The following WDFY4 variants were observed in gnomAD, a reference collection of about 807,000 sequenced individuals.
The protein encoded by WDFY4 is WD repeat- and FYVE domain-containing protein 4.
Under a neutral mutation model 351.9 loss-of-function variants are expected in WDFY4, and 169 were observed. The ratio of observed to expected loss-of-function variants is 0.48; its 90% CI spans 0.42 to 0.55. The LOEUF is 0.55. Ranked by LOEUF, WDFY4 falls within the 20% of genes least tolerant of loss-of-function variation. The pLI is 0.00. For synonymous variants in WDFY4, 1,622 were observed against 1,574.6 expected, an observed-to-expected ratio of 1.03 and a Z score of -0.71; for missense variants, 3,803 against 3,935.6, an observed-to-expected ratio of 0.97 and a Z score of 0.90.
chr10:48,802,729 T>C (rs781142821), intron 24 of WDFY4: 2 of 471,206 alleles, frequency 4.2e-6, no homozygotes, highest in African/African-American at 2.0e-5. Context: ...TACAATTTTG[T>C]CATGCATGAG....
In WDFY4 at chr10:48,805,158, G is replaced by T. The variant is rs781424411; in HGVS notation, c.4485-102G>T. 1.1e-5 allele frequency: 14 copies of T among 1,321,014 alleles called. No homozygotes were observed. In the East Asian group the frequency reaches 3.5e-4, roughly 33 times the overall value. 81.8% of individuals were successfully genotyped at this position (1,321,014 alleles called of 1,614,324 possible). A position where few individuals can be genotyped will look rare whatever the true frequency, so the allele number is the denominator to read the frequency against. ...GCCAAGAGAGCATTGGAGTTAAGGGGCCATGGAACAAGCCTGGCTTGAAAA... is the reference window on the plus strand; with the variant it reads ...GCCAAGAGAGCATTGGAGTTAAGGGTCCATGGAACAAGCCTGGCTTGAAAA... On this transcript the variant is annotated intron_variant, in intron 25 of 61. Transcript: ENST00000325239.
intron 47 of WDFY4, chr10:48,914,012 G>A (rs1474190649): frequency 6.2e-7 from 1 of 1,614,190 alleles, no homozygotes; most frequent in South Asian, 1.1e-5. Flanking sequence ...TGTCACTAAG[G>A]CGCAGAATAC....
chr10:48,728,333 C>T (rs2064337778), intron 7 of WDFY4, among the ~76,000 whole-genome samples: 1 of 152,240 alleles, frequency 6.6e-6, no homozygotes, highest in Admixed American at 6.5e-5. Context: ...TCCACTCTGC[C>T]TTCCTGTATC....
intron 2 of WDFY4, among the ~76,000 whole-genome samples, chr10:48,717,343 C>T (rs2063942011): frequency 6.6e-6 from 1 of 152,122 alleles, no homozygotes; most frequent in African/African-American, 2.4e-5. Flanking sequence ...TTCTAACCCG[C>T]TACTTTAAAA....
intron 39 of WDFY4, among the ~76,000 whole-genome samples, chr10:48,850,225 C>A (rs1250143008): frequency 1.3e-5 from 2 of 152,218 alleles, no homozygotes; most frequent in Non-Finnish European, 2.9e-5. Flanking sequence ...TAAGTCCATA[C>A]CACCCTCAAG....
chr10:48,933,379 C>A (rs1840151942), intron 47 of WDFY4, among the ~76,000 whole-genome samples: 1 of 152,222 alleles, frequency 6.6e-6, no homozygotes, highest in South Asian at 2.1e-4. Context: ...CGACTGGAGC[C>A]AGCATCTCTC....
In WDFY4 at chr10:48,978,372, G is replaced by C; in HGVS notation, c.9355G>C (p.Ala3119Pro). The C allele has an allele frequency of 1.9e-6, 3 of 1,551,216 alleles. No individual in the cohort carries two copies. The highest frequency in any genetic ancestry group is 1.7e-6 in the Non-Finnish European group (2 of 1,146,790). The change falls in exon 60 of 62, where the codon GCT (alanine) becomes CCT (proline). Residue 3119 changes from alanine (A) to proline (P), a missense_variant. Physicochemically the swap from Ala to Pro is conservative, Grantham distance 27 (BLOSUM62 -1). This residue lies in a region of WDFY4 where 3,054 missense variants were observed against 3,148.6 expected (regional missense o/e 0.97). Coordinates refer to ENST00000325239, the MANE Select transcript of WDFY4 (RefSeq NM_001394531.1). Reference sequence around the variant, plus strand: ...ACGGCCAGCAGGAGAGGAGCCCCCGGCTCAGCCTCCAAGCCCAAGAGGTAC... The same window carrying C: ...ACGGCCAGCAGGAGAGGAGCCCCCGCCTCAGCCTCCAAGCCCAAGAGGTAC... The part of the protein sequence containing the change: ...PGRPAGEEPP[A>P]QPPSPRGHKW...
Position 48,790,705 on chromosome 10 carries a change from ATG to A in WDFY4, c.4067-21_4067-20del. 12 of 1,547,782 alleles carry A rather than the reference ATG, an allele frequency of 7.8e-6. No individual in the cohort carries two copies. Among genetic ancestry groups the A allele is most frequent in the Non-Finnish European group, 1.0e-5 (12 of 1,144,346 alleles). ...AATGAAGCTGTGACATGTTGATGAAATGCCCACTTTATGCCACACAGGGGTGA... is the reference window on the plus strand; with the variant it reads ...AATGAAGCTGTGACATGTTGATGAAACCCACTTTATGCCACACAGGGGTGA... On this transcript the variant is annotated intron_variant, in intron 22 of 61. Coordinates refer to ENST00000325239, the MANE Select transcript of WDFY4 (RefSeq NM_001394531.1).
intron 47 of WDFY4, chr10:48,914,047 T>C (rs1375312990): frequency 1.2e-6 from 2 of 1,614,206 alleles, no homozygotes; most frequent in Non-Finnish European, 1.7e-6. Flanking sequence ...GTAATTCCCA[T>C]CTTGCTCAAG....
At chr10:48,924,200 T>C (rs3849152) in intron 47 of WDFY4, among the ~76,000 whole-genome samples, 96,134 of 152,106 alleles carry the variant, frequency 0.63, 31,087 homozygotes, top group East Asian at 1. Flanking sequence ...CTTCCACCCT[T>C]TCTGCGCTTC....
At chr10:48,891,492 C>G (rs901112440) in intron 44 of WDFY4, among the ~76,000 whole-genome samples, 2 of 152,198 alleles carry the variant, frequency 1.3e-5, no homozygotes, top group African/African-American at 4.8e-5. Flanking sequence ...TTCACTTGAT[C>G]ATTGTCTTTG....
intron 9 of WDFY4, among the ~76,000 whole-genome samples, chr10:48,732,174 G>T (rs1416648919): frequency 6.6e-6 from 1 of 152,184 alleles, no homozygotes; most frequent in African/African-American, 2.4e-5. Context: ...GTGCTTGGTG[G>T]CTCAGGGGTT....
intron 11 of WDFY4, among the ~76,000 whole-genome samples, chr10:48,740,533 T>C (rs1470224401): frequency 6.6e-6 from 1 of 152,050 alleles, no homozygotes; most frequent in Non-Finnish European, 1.5e-5. Context: ...GCCATGAGCT[T>C]TCACTTATGC....
chr10:48,706,174 T>A (rs2063622214), intron 1 of WDFY4, among the ~76,000 whole-genome samples: 1 of 152,220 alleles, frequency 6.6e-6, no homozygotes. Context: ...CATCAGCACG[T>A]AGGTTAATTC....
chr10:48,728,988 G>A (rs141634516), intron 7 of WDFY4, among the ~76,000 whole-genome samples: 27 of 152,334 alleles, frequency 1.8e-4, no homozygotes, highest in African/African-American at 6.5e-4. Flanking sequence ...CACAAGAGGA[G>A]CAGGACAGCC....
chr10:48,943,251 G>A (rs1840873827), intron 48 of WDFY4, 79 bp from the exon 49 acceptor site: 7 of 1,500,262 alleles, frequency 4.7e-6, no homozygotes, highest in East Asian at 2.5e-5. Context: ...GCCTGCTGCC[G>A]AGGCCTGAGG....
chr10:48,937,509 G>A (rs964664554), intron 47 of WDFY4, among the ~76,000 whole-genome samples: 17 of 152,064 alleles, frequency 1.1e-4, no homozygotes, highest in African/African-American at 3.9e-4. Context: ...CACCTCCCTG[G>A]CCTGTACACC....
At chr10:48,750,758 A>G (rs945675174) in intron 12 of WDFY4, among the ~76,000 whole-genome samples, 1 of 152,220 alleles carries the variant, frequency 6.6e-6, no homozygotes, top group African/African-American at 2.4e-5. Flanking sequence ...TCTCTTCCCC[A>G]TCTGCTAATA....
At chr10:48,969,008 G>A (rs894294554) in intron 55 of WDFY4, 56 bp from the exon 56 acceptor site, 3 of 1,524,250 alleles carry the variant, frequency 2.0e-6, no homozygotes, top group Admixed American at 2.0e-5. Context: ...TGGGGGCCCA[G>A]CTGTAGTGGG....
Sources: gnomAD v4.1 joint callset for allele counts (sites outside exome capture counted in the v4.1 genomes callset) on GRCh38, gnomAD v4.1.1 for gene constraint, gnomAD v4.1.1 regional missense constraint, MANE v1.5 for transcripts, NCBI Gene and HGNC (gene_info 2026-07-23, HGNC 2026-07-21) for gene names.